The following PRKCH variants were observed in gnomAD, a reference collection of about 807,000 sequenced individuals.
The protein encoded by PRKCH is protein kinase C eta type.
Under a neutral mutation model 82.5 loss-of-function variants are expected in PRKCH, and 28 were observed. The observed-to-expected ratio is 0.34, with a 90% CI of 0.25 to 0.47. The LOEUF is 0.47. Among genes scored for constraint, PRKCH ranks in the 20% least tolerant of loss-of-function variants. The pLI is 1.00. For synonymous variants in PRKCH, 322 were observed against 327.4 expected, an observed-to-expected ratio of 0.98 and a Z score of 0.18; for missense variants, 705 against 881.8, an observed-to-expected ratio of 0.80 and a Z score of 2.54.
chr14:61,466,440 C>T (rs372775346), intron 9 of PRKCH, among the ~76,000 whole-genome samples: 23 of 152,290 alleles, frequency 1.5e-4, no homozygotes, highest in African/African-American at 5.3e-4. Flanking sequence ...TCCCATCCCC[C>T]ATCCCCGGCT....
At chr14:61,530,163 G>T (rs942312008) in intron 11 of PRKCH, among the ~76,000 whole-genome samples, 2 of 151,866 alleles carry the variant, frequency 1.3e-5, no homozygotes, top group Non-Finnish European at 2.9e-5. Context: ...GGATCTGCAC[G>T]AGCCCATCAC....
At chr14:61,221,089 G>A (rs1470997291) in intron 1 of PRKCH, among the ~76,000 whole-genome samples, 1 of 152,138 alleles carries the variant, frequency 6.6e-6, no homozygotes, top group African/African-American at 2.4e-5. Context: ...TTAGGACAAA[G>A]GTGGGGGTTT....
At chr14:61,538,556 A>G (rs776516659) in intron 12 of PRKCH, among the ~76,000 whole-genome samples, 1 of 152,160 alleles carries the variant, frequency 6.6e-6, no homozygotes, top group Non-Finnish European at 1.5e-5. Context: ...TTTAAAATGT[A>G]TTTTTAATAG....
chr14:61,308,223 G>A (rs550389197), intron 1 of PRKCH, among the ~76,000 whole-genome samples: 3 of 152,254 alleles, frequency 2.0e-5, no homozygotes, highest in African/African-American at 4.8e-5. Flanking sequence ...TACATAAATG[G>A]ACCAAAACTA....
intron 1 of PRKCH, among the ~76,000 whole-genome samples, chr14:61,190,127 A>G (rs1303494566): frequency 6.6e-6 from 1 of 152,216 alleles, no homozygotes. Flanking sequence ...GGCTGATAAA[A>G]TATATTACAT....
At chr14:61,289,788 G>A (rs1333494072) in intron 1 of PRKCH, among the ~76,000 whole-genome samples, 4 of 152,224 alleles carry the variant, frequency 2.6e-5, no homozygotes, top group Non-Finnish European at 5.9e-5. Flanking sequence ...AGTGAAGGCA[G>A]AAGGAATATA....
At chr14:61,324,288 T>C (rs1454610328) in intron 1 of PRKCH, among the ~76,000 whole-genome samples, 2 of 152,220 alleles carry the variant, frequency 1.3e-5, no homozygotes, top group Non-Finnish European at 2.9e-5. Context: ...GTAAATCAGA[T>C]ATCGATATTT....
intron 10 of PRKCH, among the ~76,000 whole-genome samples, chr14:61,524,829 C>T (rs1415550799): frequency 1.3e-5 from 2 of 152,182 alleles, no homozygotes; most frequent in African/African-American, 4.8e-5. Flanking sequence ...CTTTCTCCAG[C>T]TTCATCAAAG....
At chr14:61,326,909 C>T (rs1034609390) in intron 1 of PRKCH, 4 of 227,878 alleles carry the variant, frequency 1.8e-5, no homozygotes, top group African/African-American at 6.9e-5. Context: ...GAAGAATTGC[C>T]TCTGTTTAAA....
chr14:61,457,121 G>C (rs1354130796), intron 7 of PRKCH, 55 bp from the exon 8 acceptor site: 2 of 1,591,288 alleles, frequency 1.3e-6, no homozygotes, highest in Admixed American at 1.7e-5. Context: ...CTTCGTGCAT[G>C]GGTGCTCCAT....
Position 61,457,292 on chromosome 14 carries a change from A to T in PRKCH, c.1077A>T (p.Arg359=). 1 of 1,613,938 alleles carries T rather than the reference A, an allele frequency of 6.2e-7. No individual in the cohort carries two copies. Among genetic ancestry groups the T allele is most frequent in the Non-Finnish European group, 8.5e-7 (1 of 1,179,990 alleles). The change falls in exon 8 of 14, where the codon CGA becomes CGT. Residue 359 remains arginine, a synonymous_variant. Transcript: ENST00000332981. The part of the protein sequence containing the change: ...RLGIDNFEFI[R]VLGKGSFGKV... ...GTATCGACAACTTTGAGTTCATCCGAGTGTTGGGGAAGGGGAGTTTTGGGA... is the reference window on the plus strand; with the variant it reads ...GTATCGACAACTTTGAGTTCATCCGTGTGTTGGGGAAGGGGAGTTTTGGGA...
At chr14:61,337,501 A>G (rs1026481171) in intron 1 of PRKCH, among the ~76,000 whole-genome samples, 5 of 150,412 alleles carry the variant, frequency 3.3e-5, no homozygotes, top group Non-Finnish European at 7.4e-5. Flanking sequence ...ACTCACTGTA[A>G]CCTTGACCTC....
chr14:61,411,427 G>A (rs1037811660), intron 2 of PRKCH, among the ~76,000 whole-genome samples: 4 of 152,090 alleles, frequency 2.6e-5, no homozygotes, highest in African/African-American at 9.7e-5. Context: ...AACCTATAGG[G>A]GGACTTTACT....
chr14:61,233,541 G>A (rs947430356), intron 1 of PRKCH, among the ~76,000 whole-genome samples: 13 of 152,174 alleles, frequency 8.5e-5, no homozygotes, highest in African/African-American at 3.1e-4. Flanking sequence ...CAATATTGAA[G>A]GATACGGTTT....
At chr14:61,419,048 A>G (rs946070261) in intron 2 of PRKCH, among the ~76,000 whole-genome samples, 1 of 152,144 alleles carries the variant, frequency 6.6e-6, no homozygotes, top group African/African-American at 2.4e-5. Flanking sequence ...GCCTGCCGTT[A>G]TGTCCTACTA....
At chr14:61,403,433 A>AT (rs1375981546) in intron 2 of PRKCH, among the ~76,000 whole-genome samples, 4 of 152,170 alleles carry the variant, frequency 2.6e-5, no homozygotes, top group African/African-American at 9.7e-5. Flanking sequence ...CAGAATTGTC[A>AT]TTTTTTTGAA....
chr14:61,475,934 C>T (rs2140317624), intron 9 of PRKCH, among the ~76,000 whole-genome samples: 1 of 152,206 alleles, frequency 6.6e-6, no homozygotes, highest in East Asian at 1.9e-4. Flanking sequence ...TTTGAATTTT[C>T]TTTATTTTCT....
intron 2 of PRKCH, among the ~76,000 whole-genome samples, chr14:61,431,980 A>G (rs1241466146): frequency 6.6e-6 from 1 of 151,842 alleles, no homozygotes; most frequent in Non-Finnish European, 1.5e-5. Flanking sequence ...TATTTCTAGA[A>G]GTTTATTGAG....
chr14:61,489,027 C>G (rs1222796581), intron 10 of PRKCH, among the ~76,000 whole-genome samples: 3 of 152,134 alleles, frequency 2.0e-5, no homozygotes, highest in Non-Finnish European at 4.4e-5. Flanking sequence ...TAATTTAATT[C>G]CATTCAGTAT....
Sources: allele counts gnomAD v4.1 joint callset (sites outside exome capture counted in the v4.1 genomes callset), GRCh38; gene constraint gnomAD v4.1.1; transcripts MANE v1.5; gene names NCBI Gene and HGNC (gene_info 2026-07-23, HGNC 2026-07-21).